Variants in MARK3 observed in about 807,000 individuals in gnomAD.
MARK3 encodes the protein MAP/microtubule affinity-regulating kinase 3.
Under a neutral mutation model 90.1 loss-of-function variants are expected in MARK3, and 46 were observed. The observed-to-expected ratio is 0.51, with a 90% CI of 0.40 to 0.65. The LOEUF (loss-of-function observed/expected upper bound fraction) is 0.65, where lower values mean the gene tolerates loss of function less well. MARK3 is among the 30% of genes least tolerant of loss of function. The pLI, the probability that MARK3 is intolerant of heterozygous loss-of-function variation, is 0.00. For missense variants in MARK3, 818 were observed against 947.2 expected (o/e 0.86, Z 1.79); for synonymous variants, 321 against 332.6 (o/e 0.97, Z 0.38).
rs1392069089 is a variant in MARK3 at position 103,475,092 on chromosome 14, C to T, written c.1364C>T (p.Ser455Leu). Residue 455 changes from serine (S) to leucine (L), a missense_variant, in exon 13 of 18, where the codon TCA becomes TTA. By Grantham distance (145) the Ser-to-Leu change is moderately radical. Around this residue, in one of 3 missense-constraint regions of MARK3, gnomAD observed 560 missense variants for 613.5 expected, o/e 0.91. Transcript: ENST00000429436. ...GAAGATGGAATTTCCTCCCGGAAAT[C>T]AAGTGGCAGTGCTGTTGGAGGAAAG... ...LKEDGISSRK[S>L]SGSAVGGKGI... 4 of 1,614,150 alleles carry T rather than the reference C, an allele frequency of 2.5e-6. No individual in the cohort carries two copies. Among genetic ancestry groups the T allele is most frequent in the Non-Finnish European group, 2.5e-6 (3 of 1,179,984 alleles).
intron 2 of MARK3, 146 bp downstream of exon 2, chr14:103,405,413 T>G (rs1411785176): frequency 1.8e-6 from 1 of 556,120 alleles, no homozygotes; most frequent in African/African-American, 2.0e-5. Flanking sequence ...TGCAGTGGCA[T>G]GATCTCAGCT....
Position 103,466,462 on chromosome 14 carries a change from A to G in MARK3, c.997+20A>G. 6.7e-7 allele frequency: 1 copy of G among 1,488,882 alleles called. No homozygotes were observed. The highest frequency in any genetic ancestry group is 9.3e-7 in the Non-Finnish European group (1 of 1,073,964). 92.2% of individuals were successfully genotyped at this position (1,488,882 alleles called of 1,614,324 possible). ...GAATAGGTAATCACTCCATGCCTGC[A>G]TGTTCATGTGTTTTTGTCTAAGTAA... On this transcript the variant is annotated intron_variant, in intron 10 of 17. Transcript: ENST00000429436.
intron 15 of MARK3, among the ~76,000 whole-genome samples, chr14:103,497,580 G>A (rs1441324297): frequency 6.6e-6 from 1 of 152,088 alleles, no homozygotes; most frequent in Non-Finnish European, 1.5e-5. Flanking sequence ...CTACATAAAA[G>A]TAAAATTCAT....
chr14:103,415,950 C>T (rs2091927034), intron 2 of MARK3, among the ~76,000 whole-genome samples: 2 of 152,214 alleles, frequency 1.3e-5, no homozygotes, highest in Admixed American at 1.3e-4. Flanking sequence ...CCACTTCCCA[C>T]TTCCATATCT....
intron 5 of MARK3, 25 bp downstream of exon 5, chr14:103,452,008 G>A (rs767249738): frequency 6.5e-7 from 1 of 1,528,486 alleles, no homozygotes; most frequent in Admixed American, 1.8e-5. Flanking sequence ...ATATATATTG[G>A]GTTTTTTTTC....
At chr14:103,395,099 C>T (rs1408115091) in intron 1 of MARK3, among the ~76,000 whole-genome samples, 1 of 152,098 alleles carries the variant, frequency 6.6e-6, no homozygotes, top group Non-Finnish European at 1.5e-5. Context: ...CACTACTTTC[C>T]TGAAGGGATG....
At chr14:103,461,075 C>T (rs181979397) in intron 6 of MARK3, among the ~76,000 whole-genome samples, 1 of 152,208 alleles carries the variant, frequency 6.6e-6, no homozygotes, top group African/African-American at 2.4e-5. Context: ...AAATATTATA[C>T]AGCCCTCTGA....
intron 2 of MARK3, among the ~76,000 whole-genome samples, chr14:103,427,247 C>A (rs2092436762): frequency 1.3e-5 from 2 of 150,884 alleles, no homozygotes; most frequent in South Asian, 2.1e-4. Context: ...CACGTGTAAT[C>A]CTAGCACATT....
intron 1 of MARK3, among the ~76,000 whole-genome samples, chr14:103,388,018 G>A (rs1297361714): frequency 1.3e-5 from 2 of 151,808 alleles, no homozygotes; most frequent in African/African-American, 4.8e-5. Context: ...TGCAACCTCC[G>A]CCTCCCGGGT....
At chr14:103,403,184 T>G (rs563302565) in intron 1 of MARK3, among the ~76,000 whole-genome samples, 1 of 152,318 alleles carries the variant, frequency 6.6e-6, no homozygotes, top group South Asian at 2.1e-4. Flanking sequence ...CAAAAAGCTT[T>G]TTTAACAAAA....
chr14:103,502,404 CTGCGGA>C (rs2075720949), intron 17 of MARK3, among the ~76,000 whole-genome samples: 1 of 152,236 alleles, frequency 6.6e-6, no homozygotes, highest in Admixed American at 6.5e-5. Context: ...CAATTTTAGA[CTGCGGA>C]TGTTGAGTCT....
intron 12 of MARK3, 152 bp downstream of exon 12, chr14:103,468,338 T>A: frequency 1.5e-6 from 1 of 651,478 alleles, no homozygotes; most frequent in Non-Finnish European, 2.3e-6. Context: ...TTTTTTTTTT[T>A]TTTTGAGACA....
intron 12 of MARK3, among the ~76,000 whole-genome samples, chr14:103,470,581 G>T (rs566650065): frequency 1.3e-5 from 2 of 148,600 alleles, no homozygotes; most frequent in African/African-American, 5.0e-5. Flanking sequence ...TCAGCCTCCC[G>T]AGTAGCTGGG....
In MARK3 at chr14:103,423,200, C is replaced by CTTTTTTTTTTTTTTTTTTTTTTTTTTT. The variant is rs10529756; in HGVS notation, c.244-5173_244-5172insTTTTTTTTTTTTTTTTTTTTTTTTTTT. ...TCTATCCCCCTAGAGGACTTGCAGTCTTTTTTTTTTTTTTGCCTCCTCTTT... is the reference window on the plus strand; with the variant it reads ...TCTATCCCCCTAGAGGACTTGCAGTCTTTTTTTTTTTTTTTTTTTTTTTTTTTTTTTTTTTTTTTTTGCCTCCTCTTT... On this transcript the variant is annotated intron_variant, in intron 2 of 17. Coordinates refer to ENST00000429436, the MANE Select transcript of MARK3 (RefSeq NM_001128918.3). Among the ~76,000 whole-genome samples the CTTTTTTTTTTTTTTTTTTTTTTTTTTT allele has an allele frequency of 3.2e-5, 3 of 94,720 alleles. 1 individual carries two copies. Among genetic ancestry groups the CTTTTTTTTTTTTTTTTTTTTTTTTTTT allele is most frequent in the African/African-American group, 8.9e-5 (2 of 22,414 alleles). The allele number at this position is 94,720 out of a possible 152,430, so 62.1% of individuals were successfully genotyped here.
At chr14:103,441,823 A>G (rs938508758) in intron 3 of MARK3, among the ~76,000 whole-genome samples, 2 of 145,786 alleles carry the variant, frequency 1.4e-5, no homozygotes, top group African/African-American at 5.1e-5. Flanking sequence ...TGTTCTTCAG[A>G]AGTGGTTATT....
chr14:103,426,306 T>C (rs1334561439), intron 2 of MARK3, among the ~76,000 whole-genome samples: 1 of 151,942 alleles, frequency 6.6e-6, no homozygotes, highest in Non-Finnish European at 1.5e-5. Flanking sequence ...TCTCAGTTTT[T>C]ATTTGTATTT....
chr14:103,403,014 T>C (rs1274792989), intron 1 of MARK3, among the ~76,000 whole-genome samples: 2 of 151,854 alleles, frequency 1.3e-5, no homozygotes, highest in Non-Finnish European at 2.9e-5. Context: ...CTTGGAGCAA[T>C]GTTACATCCC....
chr14:103,455,031 A>G (rs2093243990), intron 5 of MARK3, among the ~76,000 whole-genome samples: 2 of 152,174 alleles, frequency 1.3e-5, no homozygotes, highest in African/African-American at 2.4e-5. Context: ...ATCTGGATTG[A>G]ATTCCTGGTT....
chr14:103,405,056 T>C lies in MARK3; in HGVS notation c.52-20T>C. The C allele has an allele frequency of 2.5e-6, 4 of 1,600,568 alleles. No individual in the cohort carries two copies. The highest frequency in any genetic ancestry group is 3.4e-6 in the Non-Finnish European group (4 of 1,174,680). The stretch of plus-strand genomic sequence containing the variant: ...TCTGTGTTCTCTCATTTCCTTATCT[T>C]TGTGTATGCTGTATTGCAGCACACG... On this transcript the variant is annotated intron_variant, in intron 1 of 17. Transcript: ENST00000429436.
Sources: gnomAD v4.1 joint callset for allele counts (sites outside exome capture counted in the v4.1 genomes callset) on GRCh38, gnomAD v4.1.1 for gene constraint, gnomAD v4.1.1 regional missense constraint, MANE v1.5 for transcripts, NCBI Gene and HGNC (gene_info 2026-07-23, HGNC 2026-07-21) for gene names.